The following AHI1 variants were observed in gnomAD, a reference collection of about 807,000 sequenced individuals.
AHI1 encodes the protein Abelson helper integration site 1, also known as jouberin.
In AHI1, 123 loss-of-function variants were observed where a neutral mutation model predicts 149.3. The ratio of observed to expected loss-of-function variants is 0.82; its 90% CI spans 0.71 to 0.96. The LOEUF is 0.96. Among genes scored for constraint, AHI1 ranks in the 40% least tolerant of loss-of-function variants. AHI1 has a pLI of 0.00. For missense variants in AHI1, 1,439 were observed against 1,422.7 expected (o/e 1.01, Z -0.18); for synonymous variants, 475 against 459.8 (o/e 1.03, Z -0.42).
chr6:135,302,252 CTT>C, intron 26 of AHI1: 6 of 985,480 alleles, frequency 6.1e-6, no homozygotes, highest in Non-Finnish European at 6.0e-6. Flanking sequence ...CTTGATAAAA[CTT>C]TTCAAAAAAC....
rs1403041060 is a variant in AHI1, at chr6:135,433,056, A to G, written c.2237T>C (p.Phe746Ser). The G allele has an allele frequency of 2.5e-6, 4 of 1,613,132 alleles. No individual in the cohort carries two copies. The highest frequency in any genetic ancestry group is 2.2e-5 in the East Asian group (1 of 44,824). Residue 746 changes from phenylalanine to serine, a missense_variant, in exon 16 of 29, where the codon TTT (phenylalanine) becomes TCT (serine). Physicochemically the swap from Phe to Ser is radical, Grantham distance 155. Transcript: ENST00000265602. ...AGTATCAAAACAAAGTGAGTTGATA[A>G]AACTTTTGTGAACATCAAACTGTCG... ...LVRQFDVHKS[F>S]INSLCFDTEG...
At chr6:135,489,926 C>T (rs117155465) in intron 5 of AHI1, 7,671 of 289,798 alleles carry the variant, frequency 0.026, 105 homozygotes, top group East Asian at 0.041. Flanking sequence ...GTACCATTTA[C>T]ACAAGAGCCT....
chr6:135,429,933 C>A lies in AHI1; in HGVS notation c.2441G>T (p.Arg814Leu). ...SYLEIHPNGK[R>L]LLIHTKDSTL... The stretch of plus-strand genomic sequence containing the variant: ...ACTGTCTTTGGTATGGATTAACAAA[C>A]GTTTTCCATTGGGATGAATCTCCAA... The change falls in exon 18 of 29, where the codon CGT becomes CTT. Residue 814 changes from arginine (R) to leucine (L), a missense_variant. Physicochemically the swap from Arg to Leu is moderately radical, Grantham distance 102. Transcript: ENST00000265602. The A allele has an allele frequency of 6.3e-7, 1 of 1,591,352 alleles. No individual in the cohort carries two copies.
chr6:135,469,746 G>T (rs1583397205), intron 5 of AHI1, among the ~76,000 whole-genome samples: 1 of 152,100 alleles, frequency 6.6e-6, no homozygotes, highest in Non-Finnish European at 1.5e-5. Context: ...ATGGTGCTGG[G>T]AAAACTGTCT....
intron 14 of AHI1, among the ~76,000 whole-genome samples, chr6:135,439,598 G>A (rs1351564074): frequency 6.6e-6 from 1 of 152,176 alleles, no homozygotes; most frequent in African/African-American, 2.4e-5. Flanking sequence ...GAGGTTGCTA[G>A]GATCTACAGT....
At chr6:135,297,355 A>C (rs1783237139) in intron 27 of AHI1, 2 of 451,678 alleles carry the variant, frequency 4.4e-6, no homozygotes, top group Admixed American at 4.7e-5. Context: ...TCATAGCCGT[A>C]TGCTCCTTTA....
rs1255230411 is a variant in AHI1 at position 135,302,513 on chromosome 6, C to T, written c.3427-1955G>A. 11 of 1,016,430 alleles carry T rather than the reference C, an allele frequency of 1.1e-5. No individual in the cohort carries two copies. In the East Asian group the frequency reaches 4.9e-4, roughly 45 times the overall value. The allele number at this position is 1,016,430 out of a possible 1,614,324, so 63.0% of individuals were successfully genotyped here. On this transcript the variant is annotated intron_variant, in intron 26 of 28. Transcript: ENST00000265602. ...TGTCTTAGGTATGTTAAACATGGTC[C>T]CTGCCATCTTTTCTACTGTGTATTC...
In AHI1 at chr6:135,296,983, T is replaced by C. The variant is rs527830218; in HGVS notation, c.3485+3517A>G. On this transcript the variant is annotated intron_variant, in intron 27 of 28. Transcript: ENST00000265602. ...CATCACTGCATTTCAGTACCTAGTATAGCACCTAGAACAGAGAGCAGATGA... is the reference window on the plus strand; with the variant it reads ...CATCACTGCATTTCAGTACCTAGTACAGCACCTAGAACAGAGAGCAGATGA... Among the ~76,000 whole-genome samples the C allele has an allele frequency of 9.8e-5, 15 of 152,336 alleles. No individual in the cohort carries two copies. The South Asian group carries it at 1.0e-3, about 11-fold the overall frequency.
At chr6:135,484,067 G>A (rs1346976891) in intron 5 of AHI1, among the ~76,000 whole-genome samples, 7 of 151,874 alleles carry the variant, frequency 4.6e-5, no homozygotes, top group African/African-American at 1.5e-4. Context: ...GGTGGAGCAA[G>A]TCACATCTTA....
intron 24 of AHI1, among the ~76,000 whole-genome samples, chr6:135,327,703 A>T (rs1787912853): frequency 6.6e-6 from 1 of 151,938 alleles, no homozygotes; most frequent in South Asian, 2.1e-4. Flanking sequence ...TACCTTTCTG[A>T]CTGTAGGTCT....
chr6:135,294,208 C>T (rs1317149973), intron 27 of AHI1, among the ~76,000 whole-genome samples: 1 of 152,024 alleles, frequency 6.6e-6, no homozygotes, highest in Admixed American at 6.6e-5. Context: ...CACCTGTAAT[C>T]CCAGCTACTC....
chr6:135,440,219 C>T (rs953074694), intron 14 of AHI1, among the ~76,000 whole-genome samples: 2 of 152,118 alleles, frequency 1.3e-5, no homozygotes, highest in Admixed American at 1.3e-4. Context: ...CAGGAAAGAT[C>T]CACTGTCAGG....
chr6:135,465,756 C>T (rs1790640884), intron 7 of AHI1, 58 bp downstream of exon 7: 2 of 1,346,900 alleles, frequency 1.5e-6, no homozygotes, highest in Admixed American at 5.7e-5. Flanking sequence ...ATATTCAAAA[C>T]CTGAAAATAA....
chr6:135,327,336 C>T (rs547369445), intron 24 of AHI1, among the ~76,000 whole-genome samples: 50 of 152,166 alleles, frequency 3.3e-4, no homozygotes, highest in Non-Finnish European at 6.0e-4. Context: ...CTGTCATCTC[C>T]GGATGTAGAA....
At position 135,358,135 on chromosome 6, in the gene AHI1, T is replaced by C. The variant is rs1793278022; in HGVS notation, c.3162A>G (p.Pro1054=). ...ACGTAGCAACAGACTGTCTTACCGT[T>C]GGTGCTGTATCTACCTGATGGTTAC... ...KPCNHQVDTA[P]TVVALYDYTA... The change falls in exon 24 of 29, where the codon CCA becomes CCG. Residue 1054 remains proline, a synonymous_variant. Coordinates refer to ENST00000265602, the MANE Select transcript of AHI1 (RefSeq NM_001134831.2). The C allele has an allele frequency of 1.2e-6, 2 of 1,612,402 alleles. No homozygotes were observed. Among genetic ancestry groups the C allele is most frequent in the Non-Finnish European group, 1.7e-6 (2 of 1,179,052 alleles).
At chr6:135,330,230 G>T (rs1433376086) in intron 24 of AHI1, among the ~76,000 whole-genome samples, 2 of 152,192 alleles carry the variant, frequency 1.3e-5, no homozygotes, top group Non-Finnish European at 2.9e-5. Context: ...ATGCTACAGA[G>T]AAATCTTTTG....
At chr6:135,411,099 C>A (rs943310928) in intron 21 of AHI1, among the ~76,000 whole-genome samples, 2 of 152,186 alleles carry the variant, frequency 1.3e-5, no homozygotes, top group African/African-American at 4.8e-5. Flanking sequence ...AGAGCCCTCC[C>A]TTATCACTAG....
intron 27 of AHI1, among the ~76,000 whole-genome samples, chr6:135,294,654 T>C (rs1442818887): frequency 1.4e-5 from 2 of 144,922 alleles, no homozygotes; most frequent in Non-Finnish European, 3.0e-5. Context: ...TGAGACAGAG[T>C]TGTTTTTCAA....
intron 23 of AHI1, among the ~76,000 whole-genome samples, chr6:135,368,560 C>T (rs769046329): frequency 2.4e-4 from 37 of 152,148 alleles, no homozygotes; most frequent in Non-Finnish European, 4.4e-4. Context: ...TCTCTTTGGG[C>T]GGGGCTTGCT....
Sources: gnomAD v4.1 joint callset for allele counts (sites outside exome capture counted in the v4.1 genomes callset) on GRCh38, gnomAD v4.1.1 for gene constraint, MANE v1.5 for transcripts, NCBI Gene and HGNC (gene_info 2026-07-23, HGNC 2026-07-21) for gene names.